C12orf42: variants seen among roughly 807,000 people sequenced by gnomAD.
C12orf42 encodes uncharacterized protein C12orf42.
A neutral mutation model predicts 21.6 loss-of-function variants in C12orf42; 25 were observed. The ratio of observed to expected loss-of-function variants is 1.16; its 90% CI spans 0.84 to 1.62. The LOEUF is 1.62. Ranked by LOEUF, C12orf42 falls within the 40% of genes most tolerant of loss-of-function variation. The pLI is 0.00. For missense variants in C12orf42, 483 were observed against 459.3 expected (o/e 1.05, Z -0.47); for synonymous variants, 174 against 175.0 (o/e 0.99, Z 0.05).
intron 4 of C12orf42, among the ~76,000 whole-genome samples, chr12:103,336,455 C>T (rs537956838): frequency 6.6e-6 from 1 of 152,272 alleles, no homozygotes; most frequent in Admixed American, 6.5e-5. Context: ...CCCTCTAAGC[C>T]TCAGTTTTCT....
intron 2 of C12orf42, among the ~76,000 whole-genome samples, chr12:103,469,820 T>C (rs142770686): frequency 4.9e-4 from 74 of 152,344 alleles, no homozygotes; most frequent in African/African-American, 1.5e-3. Flanking sequence ...CCTTTATTAA[T>C]GCACTTTCAC....
At chr12:103,415,647 G>A (rs912792230) in intron 2 of C12orf42, among the ~76,000 whole-genome samples, 7 of 152,048 alleles carry the variant, frequency 4.6e-5, no homozygotes, top group African/African-American at 9.7e-5. Context: ...AGATAGCTGC[G>A]GAATAATGTT....
intron 3 of C12orf42, among the ~76,000 whole-genome samples, chr12:103,384,152 C>T (rs1016187544): frequency 4.6e-5 from 7 of 152,114 alleles, no homozygotes; most frequent in Admixed American, 3.3e-4. Context: ...ATTTCTTCTT[C>T]TTAAAAAAAC....
chr12:103,109,505 G>C, the C12orf42 span, among the ~76,000 whole-genome samples: 1 of 151,738 alleles, frequency 6.6e-6, no homozygotes, highest in Non-Finnish European at 1.5e-5. Context: ...ATTCCAGATG[G>C]GTTAAAGCTC....
chr12:103,181,601 G>C, the C12orf42 span, among the ~76,000 whole-genome samples: 8 of 152,232 alleles, frequency 5.3e-5, no homozygotes, highest in African/African-American at 1.9e-4. Flanking sequence ...TGAATCCACT[G>C]GCAGACATCA....
At chr12:103,410,699 A>G (rs903577095) in intron 2 of C12orf42, among the ~76,000 whole-genome samples, 1 of 152,188 alleles carries the variant, frequency 6.6e-6, no homozygotes, top group Non-Finnish European at 1.5e-5. Flanking sequence ...AAAGCAGGGC[A>G]GGTGAAAACA....
chr12:103,276,577 G>T (rs988404883), intron 5 of C12orf42, among the ~76,000 whole-genome samples: 5 of 152,210 alleles, frequency 3.3e-5, no homozygotes, highest in Non-Finnish European at 4.4e-5. Context: ...CGAGGTATCA[G>T]CTAGGGGTTG....
chr12:103,444,279 G>C (rs547347534), intron 2 of C12orf42, among the ~76,000 whole-genome samples: 15 of 151,972 alleles, frequency 9.9e-5, no homozygotes, highest in Non-Finnish European at 1.5e-4. Context: ...TGAGCCCCAC[G>C]TGGGATTCAT....
intron 5 of C12orf42, among the ~76,000 whole-genome samples, chr12:103,271,969 G>T (rs762117778): frequency 3.9e-5 from 6 of 152,176 alleles, no homozygotes; most frequent in Non-Finnish European, 5.9e-5. Flanking sequence ...CTCTGTAATT[G>T]TGGACCCATC....
the C12orf42 span, among the ~76,000 whole-genome samples, chr12:103,200,927 T>C: frequency 6.6e-6 from 1 of 152,198 alleles, no homozygotes; most frequent in African/African-American, 2.4e-5. Context: ...TTCTGTATCA[T>C]AAAAATCTGT....
Position 103,302,163 on chromosome 12 carries a change from T to C in C12orf42, c.1028A>G (p.His343Arg). 1 of 1,609,204 alleles carries C rather than the reference T, an allele frequency of 6.2e-7. No homozygotes were observed. The stretch of plus-strand genomic sequence containing the variant: ...AGAAAGGGCCTGTGAACAAACCGTA[T>C]GGAAACGCCGGGTTGGGCGGGGGGG... ...SAPPRPTRRF[H>R]TVCSQALSRP... Residue 343 changes from histidine (H) to arginine (R), a missense_variant, in exon 6 of 6, where the codon CAT becomes CGT. Transcript: ENST00000548883.
At chr12:103,240,759 C>A (rs958635608) in intron 10 of C12orf42, among the ~76,000 whole-genome samples, 1 of 152,136 alleles carries the variant, frequency 6.6e-6, no homozygotes, top group Admixed American at 6.6e-5. Context: ...ATCTTTAATG[C>A]AAGGAGCACT....
chr12:103,225,483 G>A, the C12orf42 span, among the ~76,000 whole-genome samples: 4 of 152,050 alleles, frequency 2.6e-5, no homozygotes, highest in South Asian at 2.1e-4. Flanking sequence ...ATGCATGATC[G>A]GTCACCAAGG....
the C12orf42 span, among the ~76,000 whole-genome samples, chr12:103,107,611 C>T: frequency 3.3e-5 from 5 of 151,372 alleles, no homozygotes; most frequent in Non-Finnish European, 7.4e-5. Context: ...GAAGCTAGTA[C>T]TTGGAGAAAA....
the C12orf42 span, among the ~76,000 whole-genome samples, chr12:103,092,989 T>C: frequency 2.0e-5 from 3 of 152,230 alleles, no homozygotes; most frequent in Non-Finnish European, 4.4e-5. Flanking sequence ...CTTAGGGCTA[T>C]AACTTTGGCA....
chr12:103,198,510 G>T, the C12orf42 span, among the ~76,000 whole-genome samples: 1 of 152,216 alleles, frequency 6.6e-6, no homozygotes, highest in Non-Finnish European at 1.5e-5. Flanking sequence ...GGTGATCCTT[G>T]TGAGATGGGC....
At chr12:103,196,542 T>C in the C12orf42 span, among the ~76,000 whole-genome samples, 1,646 of 152,308 alleles carry the variant, frequency 0.011, 26 homozygotes, top group African/African-American at 0.037. Context: ...GATATTGAAG[T>C]CTGCCACTCT....
chr12:103,327,182 C>T (rs2040789863), intron 4 of C12orf42, among the ~76,000 whole-genome samples: 1 of 152,146 alleles, frequency 6.6e-6, no homozygotes, highest in African/African-American at 2.4e-5. Context: ...CTGCTCCCTA[C>T]CCCTGTGCCT....
chr12:103,422,620 G>A (rs964292121), intron 2 of C12orf42, among the ~76,000 whole-genome samples: 4 of 152,080 alleles, frequency 2.6e-5, no homozygotes, highest in Non-Finnish European at 4.4e-5. Flanking sequence ...CTTAGCACAT[G>A]TCTAAGAAAC....
Sources: gnomAD v4.1 joint callset for allele counts (sites outside exome capture counted in the v4.1 genomes callset) on GRCh38, gnomAD v4.1.1 for gene constraint, MANE v1.5 for transcripts, NCBI Gene and HGNC (gene_info 2026-07-23, HGNC 2026-07-21) for gene names.